BAG1: variants seen among roughly 807,000 people sequenced by gnomAD.
BAG1 encodes the protein BAG cochaperone 1.
A neutral mutation model predicts 35.5 loss-of-function variants in BAG1; 35 were observed. That is an observed-to-expected ratio of 0.99 (90% CI 0.75 to 1.31). The LOEUF (loss-of-function observed/expected upper bound fraction) is 1.31. Among genes scored for constraint, BAG1 ranks in the 50% most tolerant of loss-of-function variants. The pLI is 0.00. For missense variants in BAG1, 464 were observed against 453.6 expected, an observed-to-expected ratio of 1.02 and a Z score of -0.21; for synonymous variants, 191 against 178.9, an observed-to-expected ratio of 1.07 and a Z score of -0.54.
At position 33,264,584 on chromosome 9, in the gene BAG1, G is replaced by C; in HGVS notation, c.91C>G (p.Arg31Gly). ...CGCTGGGCCGGGGGCTCCGACTGGC[G>C]CGGCTCCCGGCCTGGCCGAAGGGCG... Residue 31 changes from arginine to glycine, a missense_variant, in exon 1 of 7, where the codon CGC becomes GGC. By Grantham distance (125) the Arg-to-Gly change is moderately radical. Transcript: ENST00000634734. The C allele has an allele frequency of 1.4e-6, 2 of 1,406,576 alleles. No homozygotes were observed. The highest frequency in any genetic ancestry group is 1.8e-6 in the Non-Finnish European group (2 of 1,090,228). 87.1% of individuals were successfully genotyped at this position (1,406,576 alleles called of 1,614,324 possible).
chr9:33,254,835 A>T lies in BAG1; in HGVS notation c.*384T>A. ...ACAGCTATGGGACTACACGATCACA[A>T]GAGCAAAGAAGCCCTCATGTATCTG... On this transcript the variant is annotated 3_prime_UTR_variant, in exon 7 of 7. Transcript: ENST00000634734. 1 of 386,276 alleles carries T rather than the reference A, an allele frequency of 2.6e-6. No individual in the cohort carries two copies. The highest frequency in any genetic ancestry group is 4.8e-6 in the Non-Finnish European group (1 of 206,236). 23.9% of individuals were successfully genotyped at this position (386,276 alleles called of 1,614,324 possible). A position where few individuals can be genotyped will look rare whatever the true frequency, so the allele number is the denominator to read the frequency against.
chr9:33,256,048 G>A, intron 5 of BAG1, 121 bp from the exon 6 acceptor site: 2 of 867,836 alleles, frequency 2.3e-6, no homozygotes, highest in Non-Finnish European at 3.8e-6. Context: ...CAGGTCACAG[G>A]TCACCAATGT....
rs766900487 is a variant in BAG1, at chr9:33,253,896, C to G, written c.*1323G>C. 4 of 151,808 alleles carry G rather than the reference C, an allele frequency of 2.6e-5. No individual in the cohort carries two copies. Among genetic ancestry groups the G allele is most frequent in the Non-Finnish European group, 5.9e-5 (4 of 68,000 alleles). The allele number at this position is 151,808 out of a possible 1,614,324, so 9.4% of individuals were successfully genotyped here. Reference sequence around the variant, plus strand: ...GTCTTGCTATGTTGCCCAGACTAGACTCAAACTCCTGGGCTCAAGTGATCC... The same window carrying G: ...GTCTTGCTATGTTGCCCAGACTAGAGTCAAACTCCTGGGCTCAAGTGATCC... On this transcript the variant is annotated 3_prime_UTR_variant, in exon 7 of 7. Transcript: ENST00000634734.
rs1345891573 is a variant in BAG1, at chr9:33,253,843, T to G, written c.*1376A>C. The stretch of plus-strand genomic sequence containing the variant: ...TTTTTTTTTCTTTTTATTTATCTAC[T>G]TTTACTTACTTAAATTTTAGAGATG... On this transcript the variant is annotated 3_prime_UTR_variant, in exon 7 of 7. Coordinates refer to ENST00000634734, the MANE Select transcript of BAG1 (RefSeq NM_004323.6). The G allele has an allele frequency of 6.6e-6, 1 of 151,912 alleles. No individual in the cohort carries two copies. Among genetic ancestry groups the G allele is most frequent in the Non-Finnish European group, 1.5e-5 (1 of 68,016 alleles). The allele number at this position is 151,912 out of a possible 1,614,324, so 9.4% of individuals were successfully genotyped here.
At position 33,255,583 on chromosome 9, in the gene BAG1, C is replaced by T. The variant is rs376594007; in HGVS notation, c.949-275G>A. 1.3e-3 allele frequency among the ~76,000 whole-genome samples: 202 copies of T among 152,342 alleles called. 7 individuals carry two copies. In the South Asian group the frequency reaches 0.04, roughly 30 times the overall value. ...GGCCACTGCACAGCAACTGCACAAT[C>T]GCAGGAAGCACTGTGTGCATGAATA... On this transcript the variant is annotated intron_variant, in intron 6 of 6. Transcript: ENST00000634734.
chr9:33,263,589 T>TA (rs1195356266), intron 1 of BAG1, among the ~76,000 whole-genome samples: 1 of 5,546 alleles, frequency 1.8e-4, no homozygotes, highest in Non-Finnish European at 3.8e-3. Context: ...ACCGGATTCT[T>TA]AGAAGAAGCC....
chr9:33,260,922 C>T (rs1372385856), intron 3 of BAG1, among the ~76,000 whole-genome samples, 165 bp downstream of exon 3: 1 of 152,100 alleles, frequency 6.6e-6, no homozygotes, highest in Non-Finnish European at 1.5e-5. Context: ...GGTATGAGAA[C>T]AACAAAACTG....
intron 2 of BAG1, 129 bp downstream of exon 2, chr9:33,262,573 C>T (rs1820595479): frequency 2.0e-6 from 2 of 1,018,360 alleles, no homozygotes; most frequent in Non-Finnish European, 2.7e-6. Context: ...AGGAGAATCA[C>T]TTGAATCCGG....
Position 33,256,924 on chromosome 9 carries a change from G to A in BAG1, c.778-16C>T, listed in dbSNP as rs1369710646. ...GCAGAAAACCCTGCGGGGAAATAAT[G>A]CATTATTGCAAGGGTTCTCTGAGGC... On this transcript the variant is annotated splice_polypyrimidine_tract_variant and intron_variant, in intron 4 of 6. Transcript: ENST00000634734. 3 of 1,597,002 alleles carry A rather than the reference G, an allele frequency of 1.9e-6. No homozygotes were observed. The Admixed American group carries it at 5.0e-5, about 27-fold the overall frequency.
intron 4 of BAG1, among the ~76,000 whole-genome samples, chr9:33,258,514 T>C (rs1820504018): frequency 6.6e-6 from 1 of 152,102 alleles, no homozygotes; most frequent in Non-Finnish European, 1.5e-5. Flanking sequence ...CAAAATGTTA[T>C]TTGCCTTGCC....
At chr9:33,256,990 C>T (rs775837312) in intron 4 of BAG1, 82 bp from the exon 5 acceptor site, 125 of 1,020,446 alleles carry the variant, frequency 1.2e-4, no homozygotes, top group Non-Finnish European at 1.8e-4. Flanking sequence ...GATGCAATCA[C>T]ACTGAGCCCA....
intron 4 of BAG1, 113 bp from the exon 5 acceptor site, chr9:33,257,021 G>A (rs1820470425): frequency 1.3e-6 from 1 of 747,954 alleles, no homozygotes; most frequent in Non-Finnish European, 2.3e-6. Flanking sequence ...GGCAGGCCAG[G>A]CCACATCTCA....
intron 4 of BAG1, among the ~76,000 whole-genome samples, chr9:33,258,506 A>G (rs537580055): frequency 1.3e-5 from 2 of 152,256 alleles, no homozygotes; most frequent in Non-Finnish European, 2.9e-5. Context: ...TGAACCAACA[A>G]AATGTTATTT....
At position 33,264,282 on chromosome 9, in the gene BAG1, G is replaced by T. The variant is rs759508260; in HGVS notation, c.393C>A (p.Ser131Arg). The stretch of plus-strand genomic sequence containing the variant: ...CCATTTCCTCCCTGGTCACCTCCTC[G>T]CTCCGGGTCGACTCCTCGTCCCGGG... Residue 131 changes from serine (S) to arginine (R), a missense_variant, in exon 1 of 7, where the codon AGC becomes AGA. Coordinates refer to ENST00000634734, the MANE Select transcript of BAG1 (RefSeq NM_004323.6). 6 of 1,613,766 alleles carry T rather than the reference G, an allele frequency of 3.7e-6. No individual in the cohort carries two copies. Among genetic ancestry groups the T allele is most frequent in the Admixed American group, 1.7e-5 (1 of 59,994 alleles).
chr9:33,259,123 G>C (rs893666848), intron 3 of BAG1, 90 bp from the exon 4 acceptor site: 78 of 925,438 alleles, frequency 8.4e-5, no homozygotes, highest in Non-Finnish European at 1.2e-4. Context: ...CACTTTGGGA[G>C]GCCGAGATGG....
At chr9:33,262,016 G>A in intron 2 of BAG1, 1 of 1,195,808 alleles carries the variant, frequency 8.4e-7, no homozygotes, top group South Asian at 1.5e-5. Flanking sequence ...AAGCAACTAA[G>A]AAAATGATTA....
chr9:33,261,799 A>AG, intron 2 of BAG1: 2 of 842,452 alleles, frequency 2.4e-6, no homozygotes, highest in South Asian at 5.4e-5. Context: ...ATAGATTCTC[A>AG]GGGGGGTGGG....
At chr9:33,260,784 A>G (rs1820552135) in intron 3 of BAG1, among the ~76,000 whole-genome samples, 1 of 152,246 alleles carries the variant, frequency 6.6e-6, no homozygotes, top group South Asian at 2.1e-4. Context: ...CTCCAAGTGA[A>G]TGAGACCTGT....
rs772112209 is a variant in BAG1 at position 33,264,602 on chromosome 9, G to A, written c.73C>T (p.Arg25Trp). ...GACTGGCGCGGCTCCCGGCCTGGCC[G>A]AAGGGCGCGCAGCCGGGAACCCAGC... is the stretch of plus-strand genomic sequence containing the variant. The change falls in exon 1 of 7, where the codon CGG becomes TGG. Residue 25 changes from arginine (R) to tryptophan (W), a missense_variant. Arg to Trp is a moderately radical substitution (Grantham distance 101). Transcript: ENST00000634734. The A allele has an allele frequency of 4.5e-5, 62 of 1,379,154 alleles. No individual in the cohort carries two copies. In the South Asian group the frequency reaches 5.6e-4, roughly 12 times the overall value. The allele number at this position is 1,379,154 out of a possible 1,614,324, so 85.4% of individuals were successfully genotyped here. A position where few individuals can be genotyped will look rare whatever the true frequency, so the allele number is the denominator to read the frequency against.
Sources: allele counts gnomAD v4.1 joint callset (sites outside exome capture counted in the v4.1 genomes callset), GRCh38; gene constraint gnomAD v4.1.1; transcripts MANE v1.5; gene names NCBI Gene and HGNC (gene_info 2026-07-23, HGNC 2026-07-21).